Variants in GPRC5A observed in about 807,000 individuals in gnomAD.
GPRC5A encodes retinoic acid-induced protein 3.
A neutral mutation model predicts 22.5 loss-of-function variants in GPRC5A; 19 were observed. That is an observed-to-expected ratio of 0.85 (90% CI 0.59 to 1.24). The LOEUF is 1.24. Ranked by LOEUF, GPRC5A falls within the 50% of genes most tolerant of loss-of-function variation. GPRC5A has a pLI of 0.00. For synonymous variants in GPRC5A, 192 were observed against 184.5 expected, an observed-to-expected ratio of 1.04 and a Z score of -0.33; for missense variants, 471 against 451.1, an observed-to-expected ratio of 1.04 and a Z score of -0.40.
rs753578832 is a variant in GPRC5A, at chr12:12,915,856, C to T, written c.*3317C>T. 1 of 526,332 alleles carries T rather than the reference C, an allele frequency of 1.9e-6. No individual in the cohort carries two copies. The highest frequency in any genetic ancestry group is 1.4e-5 in the South Asian group (1 of 70,742). 32.6% of individuals were successfully genotyped at this position (526,332 alleles called of 1,614,324 possible). Reference sequence around the variant, plus strand: ...TAAGAAACGCAGTGGTCTCTGAAGCCTGCAGGGGCAGGCCAGCCCTGCACT... The same window carrying T: ...TAAGAAACGCAGTGGTCTCTGAAGCTTGCAGGGGCAGGCCAGCCCTGCACT... On this transcript the variant is annotated 3_prime_UTR_variant, in exon 4 of 4. Transcript: ENST00000014914.
rs1449824905 is a variant in GPRC5A at position 12,901,782 on chromosome 12, A to AAAT, written c.-7-6460_-7-6459insATA. On this transcript the variant is annotated intron_variant, in intron 1 of 3. Coordinates refer to ENST00000014914, the MANE Select transcript of GPRC5A (RefSeq NM_003979.4). The stretch of plus-strand genomic sequence containing the variant: ...GGCATCAAAAAAAAAAAAAAAAAAA[A>AAAT]ACCATCCTGGAGGAAAGGACCTCTA... Among the ~76,000 whole-genome samples the AAAT allele has an allele frequency of 2.0e-5, 3 of 150,896 alleles. No individual in the cohort carries two copies. In the East Asian group the frequency reaches 5.8e-4, roughly 29 times the overall value.
chr12:12,899,340 G>C (rs1030366381), intron 1 of GPRC5A, among the ~76,000 whole-genome samples: 1 of 152,158 alleles, frequency 6.6e-6, no homozygotes, highest in Non-Finnish European at 1.5e-5. Flanking sequence ...CCCCCGGCCA[G>C]GGTTGCTTGT....
chr12:12,912,201 C>A, intron 3 of GPRC5A, 59 bp downstream of exon 3: 1 of 1,215,232 alleles, frequency 8.2e-7, no homozygotes, highest in Non-Finnish European at 1.2e-6. Flanking sequence ...AACACTGATC[C>A]TTTGGAAACA....
chr12:12,900,506 A>T (rs576525946), intron 1 of GPRC5A, among the ~76,000 whole-genome samples: 1 of 152,170 alleles, frequency 6.6e-6, no homozygotes, highest in African/African-American at 2.4e-5. Context: ...CTTGGAGTTG[A>T]CCCAAGAAAT....
At position 12,912,801 on chromosome 12, in the gene GPRC5A, A is replaced by G. The variant is rs1002670871; in HGVS notation, c.*262A>G. 1.7e-4 allele frequency: 78 copies of G among 449,750 alleles called. No homozygotes were observed. The highest frequency in any genetic ancestry group is 1.3e-3 in the Admixed American group (34 of 26,168). 27.9% of individuals were successfully genotyped at this position (449,750 alleles called of 1,614,324 possible). A position where few individuals can be genotyped will look rare whatever the true frequency, so the allele number is the denominator to read the frequency against. On this transcript the variant is annotated 3_prime_UTR_variant, in exon 4 of 4. Transcript: ENST00000014914. ...CTTCTTTTAAGTGGGAGTCTCAGGC[A>G]ACTCAAGTTTAGACCCTTACTCTTT...
intron 1 of GPRC5A, among the ~76,000 whole-genome samples, chr12:12,900,009 C>T (rs1034868253): frequency 3.9e-5 from 6 of 152,174 alleles, no homozygotes; most frequent in African/African-American, 9.7e-5. Flanking sequence ...TCTCTGGTTG[C>T]GAAGAGGAGT....
In GPRC5A at chr12:12,908,881, C is replaced by T. The variant is rs372881491; in HGVS notation, c.632C>T (p.Ala211Val). ...TTCACGGGCTGGAAGAGACATGGGG[C>T]CCACATCTACCTCACGATGCTCCTC... is the stretch of plus-strand genomic sequence containing the variant. ...GSFTGWKRHG[A>V]HIYLTMLLSI... is the part of the protein sequence containing the mutation. The change falls in exon 2 of 4, where the codon GCC becomes GTC. Residue 211 changes from alanine to valine, a missense_variant. By Grantham distance (64) the Ala-to-Val change is moderately conservative (BLOSUM62 0). Coordinates refer to ENST00000014914, the MANE Select transcript of GPRC5A (RefSeq NM_003979.4). 4 of 1,614,168 alleles carry T rather than the reference C, an allele frequency of 2.5e-6. No individual in the cohort carries two copies. The highest frequency in any genetic ancestry group is 3.4e-6 in the Non-Finnish European group (4 of 1,179,998).
chr12:12,911,743 C>T (rs562016491), intron 2 of GPRC5A, among the ~76,000 whole-genome samples: 4 of 152,272 alleles, frequency 2.6e-5, no homozygotes, highest in South Asian at 2.1e-4. Flanking sequence ...CCACCTCGGC[C>T]GCCCAAAGTT....
intron 1 of GPRC5A, among the ~76,000 whole-genome samples, chr12:12,904,950 AT>A: frequency 6.9e-6 from 1 of 144,632 alleles, no homozygotes; most frequent in African/African-American, 2.6e-5. Flanking sequence ...CAGTGGCATG[AT>A]CCCCGCTCAC....
intron 1 of GPRC5A, among the ~76,000 whole-genome samples, chr12:12,906,033 A>G (rs1309220100): frequency 6.6e-6 from 1 of 152,072 alleles, no homozygotes; most frequent in Non-Finnish European, 1.5e-5. Context: ...AGAGAGAAGG[A>G]TATCTCAGAT....
At chr12:12,912,400 T>C in intron 3 of GPRC5A, 47 bp from the exon 4 acceptor site, 1 of 1,225,912 alleles carries the variant, frequency 8.2e-7, no homozygotes, top group Non-Finnish European at 1.2e-6. Context: ...CCTGTTGAAA[T>C]GGCAGGAACT....
intron 1 of GPRC5A, among the ~76,000 whole-genome samples, chr12:12,907,826 T>C (rs537729322): frequency 1.3e-5 from 2 of 152,200 alleles, no homozygotes; most frequent in Non-Finnish European, 2.9e-5. Flanking sequence ...GGAGTCTTGC[T>C]ATGTTGCCCT....
chr12:12,892,514 T>C (rs1219998965), intron 1 of GPRC5A, among the ~76,000 whole-genome samples: 1 of 152,118 alleles, frequency 6.6e-6, no homozygotes, highest in Non-Finnish European at 1.5e-5. Context: ...ATTACAGGCA[T>C]GCACCACCAC....
chr12:12,896,194 A>G (rs1863821319), intron 1 of GPRC5A, among the ~76,000 whole-genome samples: 1 of 152,162 alleles, frequency 6.6e-6, no homozygotes, highest in Non-Finnish European at 1.5e-5. Context: ...TTTCGTTTAG[A>G]GTAACAGGAA....
rs746863431 is a variant in GPRC5A at position 12,908,511 on chromosome 12, G to A, written c.262G>A (p.Gly88Arg). 12 of 1,614,002 alleles carry A rather than the reference G, an allele frequency of 7.4e-6. No individual in the cohort carries two copies. The highest frequency in any genetic ancestry group is 2.7e-5 in the African/African-American group (2 of 74,912). The change falls in exon 2 of 4, where the codon GGA becomes AGA. Residue 88 changes from glycine to arginine, a missense_variant. Coordinates refer to ENST00000014914, the MANE Select transcript of GPRC5A (RefSeq NM_003979.4). Reference sequence around the variant, plus strand: ...TGGCCTCACCTTCGCCTTCATCATCGGACTGGACGGGAGCACAGGGCCCAC... The same window carrying A: ...TGGCCTCACCTTCGCCTTCATCATCAGACTGGACGGGAGCACAGGGCCCAC... ...IFGLTFAFII[G>R]LDGSTGPTRF...
intron 1 of GPRC5A, among the ~76,000 whole-genome samples, chr12:12,896,756 G>A (rs1863825799): frequency 6.6e-6 from 1 of 152,158 alleles, no homozygotes; most frequent in Admixed American, 6.5e-5. Flanking sequence ...CAGGCACGGT[G>A]CCTCACGCCA....
At chr12:12,911,027 T>C (rs941995445) in intron 2 of GPRC5A, among the ~76,000 whole-genome samples, 1 of 151,936 alleles carries the variant, frequency 6.6e-6, no homozygotes, top group Non-Finnish European at 1.5e-5. Flanking sequence ...TGCACCATTA[T>C]GCCCAACTAA....
In GPRC5A at chr12:12,916,510, A is replaced by G. The variant is rs1226575431; in HGVS notation, c.*3971A>G. On this transcript the variant is annotated 3_prime_UTR_variant, in exon 4 of 4. Coordinates refer to ENST00000014914, the MANE Select transcript of GPRC5A (RefSeq NM_003979.4). Reference sequence around the variant, plus strand: ...TGTGGGGCACCAAGCTGAGCTGCAGACACCCAGTAGGCGCGAGGCAAATGC... The same window carrying G: ...TGTGGGGCACCAAGCTGAGCTGCAGGCACCCAGTAGGCGCGAGGCAAATGC... 1 of 152,232 alleles carries G rather than the reference A, an allele frequency of 6.6e-6. No homozygotes were observed. The highest frequency in any genetic ancestry group is 1.5e-5 in the Non-Finnish European group (1 of 68,044). The allele number at this position is 152,232 out of a possible 1,614,324, so 9.4% of individuals were successfully genotyped here. A position where few individuals can be genotyped will look rare whatever the true frequency, so the allele number is the denominator to read the frequency against.
chr12:12,915,762 T>C lies in GPRC5A; in HGVS notation c.*3223T>C, dbSNP rs1864057880. The C allele has an allele frequency of 2.4e-6, 1 of 423,180 alleles. No individual in the cohort carries two copies. Among genetic ancestry groups the C allele is most frequent in the Non-Finnish European group, 5.0e-6 (1 of 198,712 alleles). The allele number at this position is 423,180 out of a possible 1,614,324, so 26.2% of individuals were successfully genotyped here. On this transcript the variant is annotated 3_prime_UTR_variant, in exon 4 of 4. Transcript: ENST00000014914. ...ACCTTGGCCTCTGAAAGTGCTGGGA[T>C]ACCGTGGCCTCTGAAAGTGCTGGGA...
Sources: gnomAD v4.1 joint callset for allele counts (sites outside exome capture counted in the v4.1 genomes callset) on GRCh38, gnomAD v4.1.1 for gene constraint, MANE v1.5 for transcripts, NCBI Gene and HGNC (gene_info 2026-07-23, HGNC 2026-07-21) for gene names.